The following OSMR variants were observed in gnomAD, a reference collection of about 807,000 sequenced individuals.
OSMR encodes oncostatin-M-specific receptor subunit beta.
A neutral mutation model predicts 99.9 loss-of-function variants in OSMR; 81 were observed. The observed-to-expected ratio is 0.81, with a 90% CI of 0.68 to 0.97. OSMR has a LOEUF of 0.97. OSMR is among the 50% of genes least tolerant of loss of function. The pLI, the probability that OSMR is intolerant of heterozygous loss-of-function variation, is 0.00. For synonymous variants in OSMR, 406 were observed against 410.4 expected (o/e 0.99, Z 0.13); for missense variants, 1,099 against 1,153.4 (o/e 0.95, Z 0.68).
intron 3 of OSMR, among the ~76,000 whole-genome samples, chr5:38,879,660 G>A (rs1044798105): frequency 7.5e-6 from 1 of 134,206 alleles, no homozygotes; most frequent in Admixed American, 8.4e-5. Flanking sequence ...GTCTCACTCT[G>A]TTGCCCAGGG....
intron 10 of OSMR, among the ~76,000 whole-genome samples, chr5:38,918,495 T>A (rs1746049876): frequency 6.6e-6 from 1 of 152,168 alleles, no homozygotes; most frequent in Non-Finnish European, 1.5e-5. Context: ...AGGGTGGTGC[T>A]GTTTGTACTC....
At chr5:38,864,968 CTCTG>C (rs1308816487) in intron 1 of OSMR, among the ~76,000 whole-genome samples, 7 of 152,178 alleles carry the variant, frequency 4.6e-5, no homozygotes, top group African/African-American at 1.2e-4. Flanking sequence ...GTCTTTCTCT[CTCTG>C]TCTGTCGCTT....
intron 1 of OSMR, chr5:38,942,804 T>A: frequency 2.0e-6 from 3 of 1,514,468 alleles, no homozygotes; most frequent in Non-Finnish European, 2.8e-6. Context: ...TCTTGGAAGA[T>A]AAATTTGAGA....
chr5:38,921,952 T>C (rs925517381), intron 12 of OSMR, among the ~76,000 whole-genome samples, 158 bp downstream of exon 12: 2 of 152,236 alleles, frequency 1.3e-5, no homozygotes, highest in African/African-American at 4.8e-5. Flanking sequence ...GTTACAAGAA[T>C]ATGTTCTAAA....
chr5:38,921,819 G>A (rs757271870), intron 12 of OSMR, 25 bp downstream of exon 12: 22 of 1,566,384 alleles, frequency 1.4e-5, no homozygotes, highest in South Asian at 1.2e-4. Flanking sequence ...CCATATCATC[G>A]CATTGCTATA....
chr5:38,940,136 A>AG, downstream of OSMR: 1 of 206,234 alleles, frequency 4.8e-6, no homozygotes, highest in East Asian at 6.4e-5. Flanking sequence ...ACAGTAAAAA[A>AG]AAAAAACAAA....
Position 38,903,900 on chromosome 5 carries a change from T to C in OSMR, c.1010T>C (p.Phe337Ser). Residue 337 changes from phenylalanine (F) to serine (S), a missense_variant, in exon 8 of 18, where the codon TTT (phenylalanine) becomes TCT (serine). Transcript: ENST00000274276. ...TTGACAGTTTATTTAATGAATCCTT[T>C]TAGTGTCAACTTTGAAAATGTAAAT... ...LTHRVYLMNP[F>S]SVNFENVNAT... is the part of the protein sequence containing the mutation. The C allele has an allele frequency of 6.2e-7, 1 of 1,613,214 alleles. No homozygotes were observed.
chr5:38,881,554 A>G, intron 3 of OSMR, 39 bp from the exon 4 acceptor site: 3 of 1,614,038 alleles, frequency 1.9e-6, no homozygotes, highest in Non-Finnish European at 2.5e-6. Flanking sequence ...ATAGGACAAG[A>G]TGGCTATGTG....
In OSMR at chr5:38,869,087, T is replaced by C; in HGVS notation, c.43T>C (p.Leu15=). 6.2e-7 allele frequency: 1 copy of C among 1,613,452 alleles called. No homozygotes were observed. The highest frequency in any genetic ancestry group is 8.5e-7 in the Non-Finnish European group (1 of 1,179,362). ...CTTTCAGACAACATTCTTCTTAACA[T>C]TGCTGTCCTTGAGGACTTACCAGAG... ...AVFQTTFFLT[L]LSLRTYQSEV... is the part of the protein sequence containing the mutation. Residue 15 remains leucine (L), a synonymous_variant, in exon 2 of 18, where the codon TTG becomes CTG. Coordinates refer to ENST00000274276, the MANE Select transcript of OSMR (RefSeq NM_003999.3).
intron 9 of OSMR, among the ~76,000 whole-genome samples, chr5:38,910,377 T>C (rs1745494453): frequency 6.6e-6 from 1 of 152,166 alleles, no homozygotes; most frequent in Admixed American, 6.5e-5. Flanking sequence ...AAAATGGGCT[T>C]ACAGAACTCT....
intron 9 of OSMR, among the ~76,000 whole-genome samples, chr5:38,917,019 G>C (rs1026844711): frequency 6.6e-6 from 1 of 152,032 alleles, no homozygotes; most frequent in Non-Finnish European, 1.5e-5. Context: ...TGACCCAGGC[G>C]CAGGCAAGGT....
chr5:38,938,198 A>C (rs940885420), downstream of OSMR: 8 of 222,842 alleles, frequency 3.6e-5, no homozygotes, highest in Admixed American at 5.8e-5. Flanking sequence ...TCAGTGACCT[A>C]CAAACACCAG....
intron 1 of OSMR, among the ~76,000 whole-genome samples, chr5:38,847,852 T>C (rs1278184868): frequency 1.3e-5 from 2 of 152,134 alleles, no homozygotes; most frequent in South Asian, 2.1e-4. Context: ...CAAAGGTGGC[T>C]TTGAGAGAAA....
intron 6 of OSMR, 105 bp downstream of exon 6, chr5:38,885,589 A>G (rs1187134597): frequency 1.4e-6 from 2 of 1,451,340 alleles, no homozygotes; most frequent in East Asian, 4.5e-5. Context: ...ATTTGAACAA[A>G]TATTTCAGAA....
rs1741081444 is a variant in OSMR, at chr5:38,859,088, A to G, written c.-13-9944A>G. ...CCGTTGATTGTTTCCTTTGCTGTGGAGAAACTTTTTAGTTTGGTATAGTTC... is the reference window on the plus strand; with the variant it reads ...CCGTTGATTGTTTCCTTTGCTGTGGGGAAACTTTTTAGTTTGGTATAGTTC... On this transcript the variant is annotated intron_variant, in intron 1 of 17. Coordinates refer to ENST00000274276, the MANE Select transcript of OSMR (RefSeq NM_003999.3). 2.6e-5 allele frequency among the ~76,000 whole-genome samples: 4 copies of G among 152,114 alleles called. No homozygotes were observed. In the South Asian group the frequency reaches 8.3e-4, roughly 32 times the overall value.
At chr5:38,857,916 C>T (rs1740982926) in intron 1 of OSMR, among the ~76,000 whole-genome samples, 1 of 152,146 alleles carries the variant, frequency 6.6e-6, no homozygotes, top group Non-Finnish European at 1.5e-5. Context: ...GATCCTCCCA[C>T]CTCAGCCTCC....
At chr5:38,938,280 C>G (rs1396957411), downstream of OSMR, 3 of 227,452 alleles carry the variant, frequency 1.3e-5, no homozygotes, top group Non-Finnish European at 2.6e-5. Flanking sequence ...AGCATTAAGT[C>G]TGAGATTTTT....
Position 38,918,976 on chromosome 5 carries a change from G to A in OSMR, c.1499G>A (p.Cys500Tyr), listed in dbSNP as rs908951096. 1.5e-5 allele frequency: 25 copies of A among 1,614,030 alleles called. No homozygotes were observed. The highest frequency in any genetic ancestry group is 2.1e-5 in the Non-Finnish European group (25 of 1,180,030). ...AGCACAAAACTAATCCTTGACAGGT[G>A]TTCCTACCAAATCTGCGTCATAGCC... ...ANSTKLILDR[C>Y]SYQICVIANN... The change falls in exon 11 of 18, where the codon TGT (cysteine) becomes TAT (tyrosine). Residue 500 changes from cysteine to tyrosine, a missense_variant. Coordinates refer to ENST00000274276, the MANE Select transcript of OSMR (RefSeq NM_003999.3).
chr5:38,935,701 A>ACAT (rs1458900839), downstream of OSMR: 1 of 152,246 alleles, frequency 6.6e-6, no homozygotes, highest in Non-Finnish European at 1.5e-5. Context: ...TTTAGATGAT[A>ACAT]CATCACCTCA....
Sources: allele counts gnomAD v4.1 joint callset (sites outside exome capture counted in the v4.1 genomes callset), GRCh38; gene constraint gnomAD v4.1.1; transcripts MANE v1.5; gene names NCBI Gene and HGNC (gene_info 2026-07-23, HGNC 2026-07-21).